FAM120B: variants seen among roughly 807,000 people sequenced by gnomAD.
FAM120B encodes the protein family with sequence similarity 120 member B.
A neutral mutation model predicts 96.3 loss-of-function variants in FAM120B; 83 were observed. That is an observed-to-expected ratio of 0.86 (90% CI 0.72 to 1.03). The LOEUF is 1.03. Among genes scored for constraint, FAM120B ranks in the 50% least tolerant of loss-of-function variants. FAM120B has a pLI of 0.00. For synonymous variants in FAM120B, 407 were observed against 402.7 expected (o/e 1.01, Z -0.13); for missense variants, 1,027 against 1,121.2 (o/e 0.92, Z 1.20).
In FAM120B at chr6:170,318,947, A is replaced by C; in HGVS notation, c.1557A>C (p.Glu519Asp). 6.2e-7 allele frequency: 1 copy of C among 1,614,226 alleles called. No individual in the cohort carries two copies. The highest frequency in any genetic ancestry group is 8.5e-7 in the Non-Finnish European group (1 of 1,180,020). The change falls in exon 2 of 11, where the codon GAA (glutamate) becomes GAC (aspartate). Residue 519 changes from glutamate (E) to aspartate (D), a missense_variant. Coordinates refer to ENST00000476287, the MANE Select transcript of FAM120B (RefSeq NM_032448.3). ...GTACAGATCCTATATCCAAGCAAGA[A>C]GACTCCATGTGTACACACGCTGAAA... ...PICTDPISKQ[E>D]DSMCTHAEIN...
intron 9 of FAM120B, among the ~76,000 whole-genome samples, chr6:170,396,266 T>C (rs951604585): frequency 6.6e-6 from 1 of 152,192 alleles, no homozygotes; most frequent in African/African-American, 2.4e-5. Flanking sequence ...AATTATTCCC[T>C]AAAACACAGC....
intron 5 of FAM120B, among the ~76,000 whole-genome samples, chr6:170,354,162 G>A (rs1374894866): frequency 3.9e-5 from 6 of 152,156 alleles, no homozygotes; most frequent in Non-Finnish European, 8.8e-5. Context: ...ACAAAAATAA[G>A]CAATAGGGAA....
chr6:170,294,494 G>A (rs187052673), upstream of FAM120B, among the ~76,000 whole-genome samples: 4 of 152,216 alleles, frequency 2.6e-5, no homozygotes, highest in East Asian at 1.9e-4. The surrounding 1 kb of genome is among the most constrained non-coding windows in gnomAD (Gnocchi z 7.9). Context: ...AACCACATGT[G>A]GAGTTCTCTG....
intron 5 of FAM120B, among the ~76,000 whole-genome samples, chr6:170,349,955 T>A (rs1355936446): frequency 6.6e-6 from 1 of 152,124 alleles, no homozygotes; most frequent in South Asian, 2.1e-4. Flanking sequence ...CCGTGAGTGA[T>A]TGTGTGACCC....
chr6:170,399,687 A>G (rs938624432), intron 9 of FAM120B, among the ~76,000 whole-genome samples: 42 of 143,498 alleles, frequency 2.9e-4, no homozygotes, highest in Non-Finnish European at 4.7e-4. Flanking sequence ...GGAAGGTAGA[A>G]CTATGTCATA....
In FAM120B at chr6:170,371,477, G is replaced by A. The variant is rs143292201; in HGVS notation, c.2283+13159G>A. ...AAATATGTGGAATGACATCCCCCTC[G>A]GATGTTAGTAACTAAAGCTTTTCTG... On this transcript the variant is annotated intron_variant, in intron 6 of 10. Coordinates refer to ENST00000476287, the MANE Select transcript of FAM120B (RefSeq NM_032448.3). 3.4e-3 allele frequency among the ~76,000 whole-genome samples: 523 copies of A among 152,188 alleles called. 2 individuals are homozygous for A. The highest frequency in any genetic ancestry group is 0.011 in the African/African-American group (437 of 41,522).
intron 5 of FAM120B, among the ~76,000 whole-genome samples, chr6:170,353,510 T>C (rs1787710495): frequency 6.6e-6 from 1 of 152,072 alleles, no homozygotes; most frequent in Non-Finnish European, 1.5e-5. Context: ...ACTAAAATAC[T>C]GGCAAACCAA....
chr6:170,321,491 C>T (rs1433764716), intron 2 of FAM120B, among the ~76,000 whole-genome samples: 1 of 152,204 alleles, frequency 6.6e-6, no homozygotes, highest in Non-Finnish European at 1.5e-5. Context: ...AATTCTCCTG[C>T]CTCAGCCTCC....
chr6:170,398,397 G>A (rs28661792), intron 9 of FAM120B, among the ~76,000 whole-genome samples: 12 of 146,934 alleles, frequency 8.2e-5, no homozygotes, highest in South Asian at 4.5e-4. Context: ...AGTGAGTGGG[G>A]AAGGTAGAAC....
At chr6:170,366,034 G>T (rs986087479) in intron 6 of FAM120B, among the ~76,000 whole-genome samples, 3 of 152,178 alleles carry the variant, frequency 2.0e-5, no homozygotes, top group Non-Finnish European at 4.4e-5. Flanking sequence ...GTGGGAAAAT[G>T]CTTGGAGCCT....
At chr6:170,326,568 T>C (rs1785602658) in intron 3 of FAM120B, among the ~76,000 whole-genome samples, 1 of 152,150 alleles carries the variant, frequency 6.6e-6, no homozygotes, top group African/African-American at 2.4e-5. Flanking sequence ...CAGATAATAA[T>C]AAATATTGTA....
At position 170,318,400 on chromosome 6, in the gene FAM120B, C is replaced by A; in HGVS notation, c.1010C>A (p.Ser337Tyr). 6.2e-7 allele frequency: 1 copy of A among 1,614,108 alleles called. No individual in the cohort carries two copies. Among genetic ancestry groups the A allele is most frequent in the Non-Finnish European group, 8.5e-7 (1 of 1,180,036 alleles). ...QVISTSSDAE[S>Y]REEVPMCSDA... ...ATATCCACGAGTTCAGACGCCGAAT[C>A]CAGGGAAGAAGTTCCCATGTGTTCA... The change falls in exon 2 of 11, where the codon TCC becomes TAC. Residue 337 changes from serine to tyrosine, a missense_variant. Coordinates refer to ENST00000476287, the MANE Select transcript of FAM120B (RefSeq NM_032448.3).
chr6:170,315,853 G>A (rs1435477866), intron 1 of FAM120B, among the ~76,000 whole-genome samples: 4 of 151,618 alleles, frequency 2.6e-5, no homozygotes, highest in Non-Finnish European at 4.4e-5. Flanking sequence ...AGGCTGAGGC[G>A]AGAGGATCGC....
chr6:170,302,283 G>C (rs527535235), upstream of FAM120B, among the ~76,000 whole-genome samples: 1 of 152,168 alleles, frequency 6.6e-6, no homozygotes, highest in Non-Finnish European at 1.5e-5. Context: ...AAAACCATCA[G>C]GTCTCATGAG....
At chr6:170,292,171 C>A (rs2738820), upstream of FAM120B, among the ~76,000 whole-genome samples, 75,756 of 152,106 alleles carry the variant, frequency 0.5, 20,539 homozygotes, top group Non-Finnish European at 0.61. The surrounding 1 kb of genome is among the most constrained non-coding windows in gnomAD (Gnocchi z 6.6). Flanking sequence ...GCCCCCAACC[C>A]ACAACCTTTA....
At chr6:170,351,876 A>G (rs181515680) in intron 5 of FAM120B, among the ~76,000 whole-genome samples, 1 of 152,234 alleles carries the variant, frequency 6.6e-6, no homozygotes, top group East Asian at 1.9e-4. Flanking sequence ...AAGCAACCAC[A>G]TAAACAAGCC....
intron 9 of FAM120B, chr6:170,404,213 G>T (rs1404670447): frequency 1.2e-5 from 3 of 245,860 alleles, no homozygotes; most frequent in African/African-American, 2.3e-5. Context: ...TTGGCAGAAC[G>T]TCCATGGTGA....
At chr6:170,325,256 T>C (rs573582000) in intron 3 of FAM120B, among the ~76,000 whole-genome samples, 1 of 152,322 alleles carries the variant, frequency 6.6e-6, no homozygotes, top group East Asian at 1.9e-4. Context: ...TTACTGTTAA[T>C]GTTTGCATGG....
intron 3 of FAM120B, among the ~76,000 whole-genome samples, chr6:170,324,791 A>G (rs1358661306): frequency 6.6e-6 from 1 of 152,160 alleles, no homozygotes; most frequent in Non-Finnish European, 1.5e-5. Flanking sequence ...TTATTAAGAT[A>G]TGAAAATAAA....
Sources: gnomAD v4.1 joint callset for allele counts (sites outside exome capture counted in the v4.1 genomes callset) on GRCh38, gnomAD v4.1.1 for gene constraint, Gnocchi (gnomAD v3.1) non-coding constraint, MANE v1.5 for transcripts, NCBI Gene and HGNC (gene_info 2026-07-23, HGNC 2026-07-21) for gene names.